Variants in FMN1 observed in about 807,000 individuals in gnomAD.
The protein encoded by FMN1 is formin 1.
Under a neutral mutation model 132.4 loss-of-function variants are expected in FMN1, and 110 were observed. That is an observed-to-expected ratio of 0.83 (90% CI 0.71 to 0.97). FMN1 has a LOEUF of 0.97. Among genes scored for constraint, FMN1 ranks in the 50% least tolerant of loss-of-function variants. The pLI is 0.00. For synonymous variants in FMN1, 722 were observed against 651.7 expected (o/e 1.11, Z -1.64); for missense variants, 1,792 against 1,705.3 (o/e 1.05, Z -0.90).
intron 6 of FMN1, among the ~76,000 whole-genome samples, chr15:33,034,782 T>C (rs2036113188): frequency 6.6e-6 from 1 of 152,142 alleles, no homozygotes; most frequent in Admixed American, 6.5e-5. Flanking sequence ...TGTAATTGCT[T>C]TCCTGGGCCT....
chr15:33,023,255 G>A, intron 6 of FMN1, among the ~76,000 whole-genome samples: 1 of 124,550 alleles, frequency 8.0e-6, no homozygotes, highest in Non-Finnish European at 1.8e-5. Flanking sequence ...GGAAGGGGAG[G>A]GGGAAACTTA....
At chr15:32,821,191 C>T (rs2058207650) in intron 17 of FMN1, among the ~76,000 whole-genome samples, 1 of 152,012 alleles carries the variant, frequency 6.6e-6, no homozygotes, top group South Asian at 2.1e-4. Flanking sequence ...CTTGTCCTCT[C>T]TCAGGTTTAA....
intron 7 of FMN1, among the ~76,000 whole-genome samples, chr15:33,000,291 T>C (rs920740642): frequency 4.0e-5 from 6 of 151,738 alleles, no homozygotes; most frequent in Admixed American, 3.3e-4. Flanking sequence ...CTACTAAACA[T>C]ACAAAAAATT....
At chr15:33,194,385 T>TA (rs1259557448) in intron 1 of FMN1, among the ~76,000 whole-genome samples, 193 bp downstream of exon 1, 1 of 150,922 alleles carries the variant, frequency 6.6e-6, no homozygotes, top group Non-Finnish European at 1.5e-5. Context: ...CCCACCAACG[T>TA]ACTTGGGAGC....
chr15:32,847,812 G>A (rs774426933), intron 17 of FMN1, among the ~76,000 whole-genome samples: 18 of 152,218 alleles, frequency 1.2e-4, no homozygotes, highest in South Asian at 4.1e-4. Context: ...CTGAGATCGC[G>A]CCACTGCACT....
At chr15:33,119,119 G>C (rs567390110) in intron 4 of FMN1, among the ~76,000 whole-genome samples, 1 of 152,136 alleles carries the variant, frequency 6.6e-6, no homozygotes. Context: ...ATAAAAACTA[G>C]AAAGCTAAAA....
At chr15:33,050,377 A>G (rs1235261008) in intron 6 of FMN1, among the ~76,000 whole-genome samples, 2 of 151,456 alleles carry the variant, frequency 1.3e-5, no homozygotes, top group Non-Finnish European at 2.9e-5. Context: ...ATTCCAATAC[A>G]TACAATGATA....
At chr15:33,048,631 C>CAAAAAAAACAAAAAAAAAAAAAAA (rs2036804031) in intron 6 of FMN1, among the ~76,000 whole-genome samples, 1 of 43,440 alleles carries the variant, frequency 2.3e-5, no homozygotes, top group African/African-American at 7.6e-5. Context: ...GGCAATTTAC[C>CAAAAAAAACAAAAAAAAAAAAAAA]AAAAAAAAAA....
intron 4 of FMN1, among the ~76,000 whole-genome samples, chr15:33,136,422 G>A (rs1199817054): frequency 6.6e-6 from 1 of 152,196 alleles, no homozygotes; most frequent in African/African-American, 2.4e-5. Context: ...CATAAACACA[G>A]AGACAGACGT....
chr15:33,048,644 A>AAAAAAAAAAAAAAAAAAAAAAAAC, intron 6 of FMN1, among the ~76,000 whole-genome samples: 4 of 86,942 alleles, frequency 4.6e-5, no homozygotes, highest in African/African-American at 8.2e-5. Flanking sequence ...AAAAAAAAAA[A>AAAAAAAAAAAAAAAAAAAAAAAAC]AAAAACCAAC....
intron 3 of FMN1, among the ~76,000 whole-genome samples, chr15:33,155,288 C>T (rs1324307566): frequency 1.3e-5 from 2 of 152,142 alleles, no homozygotes; most frequent in Non-Finnish European, 2.9e-5. Flanking sequence ...GACAAAAGTT[C>T]CCTTTCCCTA....
chr15:32,952,208 A>G (rs1437848611), intron 9 of FMN1, among the ~76,000 whole-genome samples: 1 of 152,192 alleles, frequency 6.6e-6, no homozygotes, highest in Non-Finnish European at 1.5e-5. Flanking sequence ...CATCATGGCC[A>G]AGCCTCTCCA....
intron 17 of FMN1, among the ~76,000 whole-genome samples, chr15:32,850,217 T>C (rs962841404): frequency 2.6e-5 from 4 of 152,246 alleles, no homozygotes; most frequent in African/African-American, 9.6e-5. Context: ...TTCAGATTAC[T>C]GACCTTTCCT....
chr15:33,095,761 T>C (rs968944300), intron 4 of FMN1, among the ~76,000 whole-genome samples: 1 of 152,184 alleles, frequency 6.6e-6, no homozygotes, highest in Non-Finnish European at 1.5e-5. Context: ...CCCTTTTATG[T>C]CACATTATTC....
rs2056154111 is a variant in FMN1 at position 32,769,454 on chromosome 15, C to A, written c.*4856G>T. Reference sequence around the variant, plus strand: ...TGCAGAAATGACACAAAATGGGCTTCCCAGTCACAGACAAGCTGTGTAACT... The same window carrying A: ...TGCAGAAATGACACAAAATGGGCTTACCAGTCACAGACAAGCTGTGTAACT... On this transcript the variant is annotated 3_prime_UTR_variant, in exon 21 of 21. Transcript: ENST00000616417. 2.0e-5 allele frequency: 3 copies of A among 152,136 alleles called. No homozygotes were observed. In the South Asian group the frequency reaches 6.2e-4, roughly 32 times the overall value. The allele number at this position is 152,136 out of a possible 1,614,324, so 9.4% of individuals were successfully genotyped here.
chr15:32,894,312 C>G (rs530503029), intron 15 of FMN1, among the ~76,000 whole-genome samples: 1 of 151,904 alleles, frequency 6.6e-6, no homozygotes, highest in Non-Finnish European at 1.5e-5. Flanking sequence ...TAGTGAAACC[C>G]CGTTTCTGCT....
At chr15:32,844,914 G>A (rs1285569662) in intron 17 of FMN1, among the ~76,000 whole-genome samples, 11 of 152,282 alleles carry the variant, frequency 7.2e-5, no homozygotes, top group South Asian at 4.1e-4. Context: ...TTAGTCCTGC[G>A]TTCCTACTAG....
chr15:33,049,824 G>T (rs766618121), intron 6 of FMN1, among the ~76,000 whole-genome samples: 1 of 152,132 alleles, frequency 6.6e-6, no homozygotes, highest in African/African-American at 2.4e-5. Flanking sequence ...TTTTCTGTAC[G>T]TCACTTTCCT....
chr15:32,890,002 T>C (rs563623160), intron 15 of FMN1, among the ~76,000 whole-genome samples: 1 of 152,332 alleles, frequency 6.6e-6, no homozygotes, highest in South Asian at 2.1e-4. Context: ...AGCTACCACA[T>C]ATCAGTGAGA....
Sources: gnomAD v4.1 joint callset for allele counts (sites outside exome capture counted in the v4.1 genomes callset) on GRCh38, gnomAD v4.1.1 for gene constraint, MANE v1.5 for transcripts, NCBI Gene and HGNC (gene_info 2026-07-23, HGNC 2026-07-21) for gene names.